Variants in COL4A6 observed in about 807,000 individuals in gnomAD.
COL4A6 encodes collagen alpha-6(IV) chain.
Under a neutral mutation model 126.7 loss-of-function variants are expected in COL4A6, and 59 were observed. That is an observed-to-expected ratio of 0.47 (90% CI 0.38 to 0.58). The LOEUF is 0.58. COL4A6 is among the 20% of genes least tolerant of loss of function. The pLI is 0.00. For missense variants in COL4A6, 1,285 were observed against 1,337.3 expected, an observed-to-expected ratio of 0.96 and a Z score of 0.61; for synonymous variants, 547 against 496.6, an observed-to-expected ratio of 1.10 and a Z score of -1.35.
chrX:108,338,279 C>A (rs1264691484), intron 2 of COL4A6, among the ~76,000 whole-genome samples: 2 of 111,975 alleles, frequency 1.8e-5, no homozygotes, highest in Non-Finnish European at 3.8e-5. Flanking sequence ...CATCTGATTG[C>A]CCATGCATGC....
At chrX:108,287,541 C>G (rs777855074) in intron 3 of COL4A6, among the ~76,000 whole-genome samples, 2 of 111,762 alleles carry the variant, frequency 1.8e-5, no homozygotes, top group African/African-American at 6.5e-5. Flanking sequence ...CCTTTTAGTA[C>G]TCTGATGCTA....
At position 108,321,702 on chromosome X, in the gene COL4A6, C is replaced by A. The variant is rs779219629; in HGVS notation, c.64-10874G>T. ...TAAAAGAGAAAAATAATACAAGATG[C>A]TGAGGTATATATATATATAATCTTC... On this transcript the variant is annotated intron_variant, in intron 2 of 44. Coordinates refer to ENST00000334504, the MANE Select transcript of COL4A6 (RefSeq NM_033641.4). Among the ~76,000 whole-genome samples, 56 of 110,729 alleles carry A rather than the reference C, an allele frequency of 5.1e-4. 1 individual carries two copies. Among genetic ancestry groups the A allele is most frequent in the African/African-American group, 1.4e-3 (42 of 30,501 alleles).
chrX:108,238,424 A>T (rs939261259), intron 3 of COL4A6, among the ~76,000 whole-genome samples: 1 of 109,921 alleles, frequency 9.1e-6, no homozygotes, highest in Non-Finnish European at 1.9e-5. Context: ...TGTATTTTAA[A>T]TTGATATTGC....
At chrX:108,229,408 T>A (rs2036250068) in intron 3 of COL4A6, among the ~76,000 whole-genome samples, 1 of 111,955 alleles carries the variant, frequency 8.9e-6, no homozygotes, top group Admixed American at 9.5e-5. Flanking sequence ...TTCGAGTAGA[T>A]CATTATTTTC....
At chrX:108,313,999 T>A (rs1313537775) in intron 2 of COL4A6, among the ~76,000 whole-genome samples, 1 of 112,154 alleles carries the variant, frequency 8.9e-6, no homozygotes, top group Non-Finnish European at 1.9e-5. Context: ...GCAGTTTTAT[T>A]TGTAACAAGA....
intron 3 of COL4A6, among the ~76,000 whole-genome samples, chrX:108,284,757 C>G (rs1169905657): frequency 1.8e-5 from 2 of 112,413 alleles, no homozygotes; most frequent in African/African-American, 6.5e-5. Context: ...TTACACCAAT[C>G]TTTTGATAGT....
chrX:108,165,486 C>A lies in COL4A6; in HGVS notation c.3692G>T (p.Gly1231Val). 1 of 1,144,631 alleles carries A rather than the reference C, an allele frequency of 8.7e-7. No individual in the cohort carries two copies. 94.3% of individuals were successfully genotyped at this position (1,144,631 alleles called of 1,213,427 possible). A position where few individuals can be genotyped will look rare whatever the true frequency, so the allele number is the denominator to read the frequency against. Residue 1231 changes from glycine to valine, a missense_variant and splice_region_variant, in exon 38 of 45, where the codon GGT (glycine) becomes GTT (valine). Gly to Val is a moderately radical substitution (Grantham distance 109, BLOSUM62 -3). Transcript: ENST00000334504. ...PGLRGQKGDR[G>V]FPGLQGPAGL... ...AGCAGGGCCCTGGAGACCTGGGAAA[C>A]CTGTAAAGAATAAATAAAAGGGGCT...
intron 2 of COL4A6, among the ~76,000 whole-genome samples, chrX:108,385,021 G>A (rs775994317): frequency 1.1e-3 from 120 of 110,589 alleles, no homozygotes; most frequent in African/African-American, 3.8e-3. Flanking sequence ...GGGATGGGTG[G>A]TATTTTCCAA....
chrX:108,169,636 G>T lies in COL4A6; in HGVS notation c.3566-16C>A. On this transcript the variant is annotated splice_polypyrimidine_tract_variant and intron_variant, in intron 36 of 44. Coordinates refer to ENST00000334504, the MANE Select transcript of COL4A6 (RefSeq NM_033641.4). ...ATACTAGGTCCTAGGAGGAGATGCAGGGGTAGGGGGCAGACCTCAGTGGAG... is the reference window on the plus strand; with the variant it reads ...ATACTAGGTCCTAGGAGGAGATGCATGGGTAGGGGGCAGACCTCAGTGGAG... 8.3e-7 allele frequency: 1 copy of T among 1,201,956 alleles called. No individual in the cohort carries two copies. The highest frequency in any genetic ancestry group is 1.1e-6 in the Non-Finnish European group (1 of 890,176).
At chrX:108,364,638 C>T (rs2040158213) in intron 2 of COL4A6, among the ~76,000 whole-genome samples, 1 of 111,031 alleles carries the variant, frequency 9.0e-6, no homozygotes, top group Non-Finnish European at 1.9e-5. Flanking sequence ...TTCATGTGTA[C>T]ACATTTTTCA....
At chrX:108,214,894 C>A (rs149346442) in intron 5 of COL4A6, among the ~76,000 whole-genome samples, 3,857 of 112,420 alleles carry the variant, frequency 0.034, 168 homozygotes, top group African/African-American at 0.12. Context: ...TAATCATTCT[C>A]ATACAATTCA....
At chrX:108,194,503 C>T (rs752532555) in intron 16 of COL4A6, 31 bp downstream of exon 16, 3 of 1,185,424 alleles carry the variant, frequency 2.5e-6, no homozygotes, top group Non-Finnish European at 3.4e-6. Flanking sequence ...TTCTACCTAC[C>T]AACCCTGGAT....
At chrX:108,426,666 C>CT (rs1187566371) in intron 2 of COL4A6, among the ~76,000 whole-genome samples, 2 of 111,979 alleles carry the variant, frequency 1.8e-5, no homozygotes, top group South Asian at 3.7e-4. Context: ...AATTAAACAA[C>CT]TTTTTTTTCC....
chrX:108,294,512 G>T (rs192876392), intron 3 of COL4A6, among the ~76,000 whole-genome samples: 2 of 109,108 alleles, frequency 1.8e-5, no homozygotes, highest in African/African-American at 6.7e-5. Flanking sequence ...AAGGAGAAAA[G>T]GGGAAGAAGT....
At chrX:108,243,717 T>C (rs1197227692) in intron 3 of COL4A6, among the ~76,000 whole-genome samples, 2 of 112,020 alleles carry the variant, frequency 1.8e-5, no homozygotes, top group Non-Finnish European at 3.8e-5. Context: ...CTCTAAATAG[T>C]AGTTGAACTG....
rs1466072909 is a variant in COL4A6 at position 108,194,594 on chromosome X, C to A, written c.949-7G>T. ...CCAGGGTCCCTTTCTTGCCCTGTGA[C>A]AGAAACATAGTTACCACTAAGTGGA... On this transcript the variant is annotated splice_polypyrimidine_tract_variant and splice_region_variant and intron_variant, in intron 15 of 44. Coordinates refer to ENST00000334504, the MANE Select transcript of COL4A6 (RefSeq NM_033641.4). 8.3e-7 allele frequency: 1 copy of A among 1,205,366 alleles called. No individual in the cohort carries two copies. Among genetic ancestry groups the A allele is most frequent in the Non-Finnish European group, 1.1e-6 (1 of 891,482 alleles).
intron 2 of COL4A6, among the ~76,000 whole-genome samples, chrX:108,415,748 A>G (rs1257727519): frequency 8.9e-6 from 1 of 112,439 alleles, no homozygotes; most frequent in Non-Finnish European, 1.9e-5. Context: ...TGAATTATTC[A>G]TTGCTGCTAG....
chrX:108,203,056 A>G, intron 12 of COL4A6, 75 bp from the exon 13 acceptor site: 1 of 865,685 alleles, frequency 1.2e-6, no homozygotes, highest in South Asian at 2.1e-5. Flanking sequence ...CTCCACATGT[A>G]CTTGGACTGA....
intron 3 of COL4A6, among the ~76,000 whole-genome samples, chrX:108,234,922 C>T (rs141619770): frequency 1.0e-3 from 113 of 111,101 alleles, no homozygotes; most frequent in African/African-American, 3.3e-3. Flanking sequence ...TATTTGAGGT[C>T]GAGGATGACT....
Sources: gnomAD v4.1 joint callset for allele counts (sites outside exome capture counted in the v4.1 genomes callset) on GRCh38, gnomAD v4.1.1 for gene constraint, MANE v1.5 for transcripts, NCBI Gene and HGNC (gene_info 2026-07-23, HGNC 2026-07-21) for gene names.